Variants in TRMU observed in about 807,000 individuals in gnomAD.
TRMU encodes mitochondrial tRNA-specific 2-thiouridylase 1.
A neutral mutation model predicts 46.9 loss-of-function variants in TRMU; 49 were observed. The observed-to-expected ratio is 1.05, with a 90% CI of 0.83 to 1.33. The LOEUF (loss-of-function observed/expected upper bound fraction) is 1.33, where lower values mean the gene tolerates loss of function less well. Ranked by LOEUF, TRMU falls within the 40% of genes most tolerant of loss-of-function variation. The pLI is 0.00. For missense variants in TRMU, 572 were observed against 532.4 expected, an observed-to-expected ratio of 1.07 and a Z score of -0.73; for synonymous variants, 241 against 200.9, an observed-to-expected ratio of 1.20 and a Z score of -1.69.
rs572742389 is a variant in TRMU, at chr22:46,342,266, C to T, written c.249-996C>T. On this transcript the variant is annotated intron_variant, in intron 2 of 10. Coordinates refer to ENST00000645190, the MANE Select transcript of TRMU (RefSeq NM_018006.5). This position sits in a 1 kb window ranked among gnomAD's most constrained non-coding sequence, Gnocchi z 4.7. ...TTATTAATAATTTGCTGGAGTGGTT[C>T]ACAGAACTCAGAAAAACACATTTAC... 6.6e-6 allele frequency among the ~76,000 whole-genome samples: 1 copy of T among 152,240 alleles called. No homozygotes were observed. Among genetic ancestry groups the T allele is most frequent in the Non-Finnish European group, 1.5e-5 (1 of 68,022 alleles).
intron 2 of TRMU, among the ~76,000 whole-genome samples, chr22:46,340,237 T>G (rs12483974): frequency 2.2e-4 from 34 of 152,194 alleles, no homozygotes; most frequent in Admixed American, 2.1e-3. Flanking sequence ...TGAGAAAAGG[T>G]GTGATGCGGC....
At position 46,357,104 on chromosome 22, in the gene TRMU, A is replaced by G; in HGVS notation, c.*98A>G. On this transcript the variant is annotated 3_prime_UTR_variant, in exon 11 of 11. Transcript: ENST00000645190. ...CCCAAGGGCCAGCTTGCTGCTGCCC[A>G]AAGCAGAGGAAGCCGGGCTGGCTGA... The G allele has an allele frequency of 3.2e-6, 5 of 1,541,864 alleles. No homozygotes were observed. In the South Asian group the frequency reaches 5.8e-5, roughly 18 times the overall value.
rs1249465113 is a variant in TRMU, at chr22:46,351,614, C to G, written c.652-507C>G. ...GATGGAAGGGCAGTCTTGAGAGACACAAACCAGAGTAAACGATGCAGCCCC... is the reference window on the plus strand; with the variant it reads ...GATGGAAGGGCAGTCTTGAGAGACAGAAACCAGAGTAAACGATGCAGCCCC... On this transcript the variant is annotated intron_variant, in intron 5 of 10. Transcript: ENST00000645190. The surrounding 1 kb of genome is among the most constrained non-coding windows in gnomAD (Gnocchi z 6.4). 3.5e-5 allele frequency: 8 copies of G among 229,580 alleles called. No homozygotes were observed. Among genetic ancestry groups the G allele is most frequent in the Middle Eastern group, 1.7e-3 (1 of 598 alleles). The allele number at this position is 229,580 out of a possible 1,614,324, so 14.2% of individuals were successfully genotyped here.
chr22:46,340,062 G>A (rs900247153), intron 2 of TRMU, among the ~76,000 whole-genome samples: 5 of 152,122 alleles, frequency 3.3e-5, no homozygotes, highest in African/African-American at 1.2e-4. Flanking sequence ...GGGAGTGGAA[G>A]GTGAGGGCTG....
rs767071987 is a variant in TRMU at position 46,353,849 on chromosome 22, C to T, written c.855C>T (p.Val285=). 1 of 1,613,796 alleles carries T rather than the reference C, an allele frequency of 6.2e-7. No individual in the cohort carries two copies. Among genetic ancestry groups the T allele is most frequent in the Admixed American group, 1.7e-5 (1 of 60,010 alleles). Residue 285 remains valine (V), a synonymous_variant, in exon 8 of 11, where the codon GTC becomes GTT. Coordinates refer to ENST00000645190, the MANE Select transcript of TRMU (RefSeq NM_018006.5). ...EPWYVVEKDS[V]KGDVFVAPRT... ...GGTACGTGGTGGAGAAGGACAGCGTCAAGGGTGACGTGTTTGTGGTGAGTG... is the reference window on the plus strand; with the variant it reads ...GGTACGTGGTGGAGAAGGACAGCGTTAAGGGTGACGTGTTTGTGGTGAGTG...
rs1015675208 is a variant in TRMU at position 46,349,795 on chromosome 22, C to T, written c.479-496C>T. Among the ~76,000 whole-genome samples the T allele has an allele frequency of 1.3e-5, 2 of 152,216 alleles. No individual in the cohort carries two copies. Among genetic ancestry groups the T allele is most frequent in the African/African-American group, 4.8e-5 (2 of 41,462 alleles). On this transcript the variant is annotated intron_variant, in intron 4 of 10. Coordinates refer to ENST00000645190, the MANE Select transcript of TRMU (RefSeq NM_018006.5). This position sits in a 1 kb window ranked among gnomAD's most constrained non-coding sequence, Gnocchi z 4.6. The stretch of plus-strand genomic sequence containing the variant: ...AGCTAATGCCTTCACAGGTAGGGCG[C>T]TGCTGGAGGCATGTGCTGGCCGCCG...
intron 5 of TRMU, 23 bp from the exon 6 acceptor site, chr22:46,352,098 C>G (rs114392269): frequency 6.2e-7 from 1 of 1,612,064 alleles, no homozygotes; most frequent in African/African-American, 1.3e-5. Flanking sequence ...GCTCCTCTCA[C>G]GGCTGCCGTC....
At chr22:46,345,504 A>G (rs1285014115) in intron 3 of TRMU, among the ~76,000 whole-genome samples, 1 of 152,258 alleles carries the variant, frequency 6.6e-6, no homozygotes, top group Non-Finnish European at 1.5e-5. Flanking sequence ...TGAAAATAAT[A>G]CATATTTATT....
rs772090685 is a variant in TRMU at position 46,353,817 on chromosome 22, G to C, written c.823G>C (p.Glu275Gln). ...GAGAGCAAACATAGGTGGCCTGAGA[G>C]AGCCCTGGTACGTGGTGGAGAAGGA... ...GQRANIGGLR[E>Q]PWYVVEKDSV... is the part of the protein sequence containing the mutation. The change falls in exon 8 of 11, where the codon GAG becomes CAG. Residue 275 changes from glutamate (E) to glutamine (Q), a missense_variant. By Grantham distance (29) the Glu-to-Gln change is conservative. Transcript: ENST00000645190. The C allele has an allele frequency of 4.3e-6, 7 of 1,613,950 alleles. No homozygotes were observed. In the Admixed American group the frequency reaches 1.2e-4, roughly 27 times the overall value.
In TRMU at chr22:46,336,270, C is replaced by T. The variant is rs914371352; in HGVS notation, c.82+424C>T. On this transcript the variant is annotated intron_variant, in intron 1 of 10. Coordinates refer to ENST00000645190, the MANE Select transcript of TRMU (RefSeq NM_018006.5). The surrounding 1 kb of genome is among the most constrained non-coding windows in gnomAD (Gnocchi z 4.1). Reference sequence around the variant, plus strand: ...CGCTGTGGCCGCCCGGTGGGAGGTCCTTGTCCTCCCCACTCAGCAGACTGG... The same window carrying T: ...CGCTGTGGCCGCCCGGTGGGAGGTCTTTGTCCTCCCCACTCAGCAGACTGG... 3 of 439,798 alleles carry T rather than the reference C, an allele frequency of 6.8e-6. No individual in the cohort carries two copies. Among genetic ancestry groups the T allele is most frequent in the African/African-American group, 6.5e-5 (3 of 45,956 alleles). The allele number at this position is 439,798 out of a possible 1,614,324, so 27.2% of individuals were successfully genotyped here.
In TRMU at chr22:46,350,328, C is replaced by G. The variant is rs780509803; in HGVS notation, c.516C>G (p.Asp172Glu). The change falls in exon 5 of 11, where the codon GAC becomes GAG. Residue 172 changes from aspartate to glutamate, a missense_variant. By Grantham distance (45) the Asp-to-Glu change is conservative. Transcript: ENST00000645190. The surrounding 1 kb of genome is among the most constrained non-coding windows in gnomAD (Gnocchi z 4.6). ...TCCAGGCAGCTGACAGCTTTAAAGA[C>G]CAGACCTTCTTTCTCAGCCAGGTTT... Reference protein sequence around the residue: ...KLLQAADSFKDQTFFLSQVSQ... With the variant: ...KLLQAADSFKEQTFFLSQVSQ... 6.2e-7 allele frequency: 1 copy of G among 1,614,228 alleles called. No homozygotes were observed. Among genetic ancestry groups the G allele is most frequent in the Non-Finnish European group, 8.5e-7 (1 of 1,180,048 alleles).
intron 2 of TRMU, among the ~76,000 whole-genome samples, chr22:46,341,914 C>A (rs576935953): frequency 6.6e-6 from 1 of 152,314 alleles, no homozygotes; most frequent in South Asian, 2.1e-4. Context: ...GCTGAGATTG[C>A]AGAATGGCTC....
intron 7 of TRMU, chr22:46,352,652 T>TA (rs1344613476): frequency 1.4e-5 from 6 of 440,896 alleles, no homozygotes; most frequent in Non-Finnish European, 2.5e-5. Context: ...AGGAAAATGT[T>TA]AAACTACACA....
chr22:46,351,278 C>G lies in TRMU; in HGVS notation c.651+815C>G, dbSNP rs1054396058. Among the ~76,000 whole-genome samples, 1 of 152,120 alleles carries G rather than the reference C, an allele frequency of 6.6e-6. No individual in the cohort carries two copies. Among genetic ancestry groups the G allele is most frequent in the African/African-American group, 2.4e-5 (1 of 41,414 alleles). On this transcript the variant is annotated intron_variant, in intron 5 of 10. Transcript: ENST00000645190. This position sits in a 1 kb window ranked among gnomAD's most constrained non-coding sequence, Gnocchi z 6.4. ...AGCTCCTCAGGAGGATCGAGCGCACCCAGGAGTTTGAGGACAGCCTGGGCA... is the reference window on the plus strand; with the variant it reads ...AGCTCCTCAGGAGGATCGAGCGCACGCAGGAGTTTGAGGACAGCCTGGGCA...
chr22:46,340,227 T>G (rs2078085975), intron 2 of TRMU, among the ~76,000 whole-genome samples: 1 of 152,078 alleles, frequency 6.6e-6, no homozygotes, highest in Non-Finnish European at 1.5e-5. Flanking sequence ...GGTCTTTCTT[T>G]GAGAAAAGGT....
Position 46,346,350 on chromosome 22 carries a change from C to G in TRMU, c.356-72C>G, listed in dbSNP as rs1235281551. 1.9e-6 allele frequency: 3 copies of G among 1,564,378 alleles called. No individual in the cohort carries two copies. The South Asian group carries it at 3.5e-5, about 18-fold the overall frequency. On this transcript the variant is annotated intron_variant, in intron 3 of 10. Coordinates refer to ENST00000645190, the MANE Select transcript of TRMU (RefSeq NM_018006.5). ...TGGGGTCTATACTCTTCTTTTGTGCCTTGGTTTATGCTGATCAAGGCCTGC... is the reference window on the plus strand; with the variant it reads ...TGGGGTCTATACTCTTCTTTTGTGCGTTGGTTTATGCTGATCAAGGCCTGC...
chr22:46,343,753 A>C (rs768973439), intron 3 of TRMU, among the ~76,000 whole-genome samples: 12 of 152,068 alleles, frequency 7.9e-5, no homozygotes, highest in Non-Finnish European at 1.8e-4. Flanking sequence ...ATGCTTTATG[A>C]ATTTTAGGTT....
In TRMU at chr22:46,348,098, G is replaced by A. The variant is rs2078306522; in HGVS notation, c.478+1554G>A. 6.6e-6 allele frequency among the ~76,000 whole-genome samples: 1 copy of A among 151,872 alleles called. No individual in the cohort carries two copies. The highest frequency in any genetic ancestry group is 2.4e-5 in the African/African-American group (1 of 41,362). ...CAGATAAGACAGCCCCCCATTTCAG[G>A]AAGACATGGGTTGGAATGCAGAGTC... On this transcript the variant is annotated intron_variant, in intron 4 of 10. Transcript: ENST00000645190. This position sits in a 1 kb window ranked among gnomAD's most constrained non-coding sequence, Gnocchi z 4.8.
chr22:46,346,296 T>C, intron 3 of TRMU, 126 bp from the exon 4 acceptor site: 1 of 1,158,896 alleles, frequency 8.6e-7, no homozygotes, highest in Non-Finnish European at 1.2e-6. Flanking sequence ...GGGTGCAGGG[T>C]GGATTGTGCA....
Sources: gnomAD v4.1 joint callset for allele counts (sites outside exome capture counted in the v4.1 genomes callset) on GRCh38, gnomAD v4.1.1 for gene constraint, Gnocchi (gnomAD v3.1) non-coding constraint, MANE v1.5 for transcripts, NCBI Gene and HGNC (gene_info 2026-07-23, HGNC 2026-07-21) for gene names.